FAT3: variants seen among roughly 807,000 people sequenced by gnomAD.
The protein encoded by FAT3 is protocadherin Fat 3.
Under a neutral mutation model 310.2 loss-of-function variants are expected in FAT3, and 95 were observed. The ratio of observed to expected loss-of-function variants is 0.31; its 90% CI spans 0.26 to 0.36. The LOEUF is 0.36. FAT3 is among the 10% of genes least tolerant of loss of function. The pLI is 1.00. For missense variants in FAT3, 5,408 were observed against 5,715.6 expected, an observed-to-expected ratio of 0.95 and a Z score of 1.74; for synonymous variants, 2,314 against 2,192.9, an observed-to-expected ratio of 1.06 and a Z score of -1.54.
chr11:92,299,454 A>G (rs985482043), intron 1 of FAT3, among the ~76,000 whole-genome samples: 1 of 152,136 alleles, frequency 6.6e-6, no homozygotes, highest in African/African-American at 2.4e-5. Context: ...TGCCCTTTCC[A>G]AAGGCCATTA....
rs149689597 is a variant in FAT3, at chr11:92,744,524, G to A, written c.3670-17332G>A. Among the ~76,000 whole-genome samples, 1,063 of 152,246 alleles carry A rather than the reference G, an allele frequency of 7.0e-3. 12 individuals are homozygous for A. The highest frequency in any genetic ancestry group is 0.024 in the African/African-American group (1,002 of 41,550). The stretch of plus-strand genomic sequence containing the variant: ...CTCTCTTCATTTGTCTAAACATGCA[G>A]TGTTCCCCATTTATATTTTATAACC... On this transcript the variant is annotated intron_variant, in intron 4 of 27. Coordinates refer to ENST00000525166, the MANE Select transcript of FAT3 (RefSeq NM_001367949.2).
intron 1 of FAT3, among the ~76,000 whole-genome samples, chr11:92,273,213 A>G (rs1318576217): frequency 6.6e-6 from 1 of 152,126 alleles, no homozygotes; most frequent in African/African-American, 2.4e-5. Context: ...TGTATTTTAT[A>G]AAAGTGATGC....
At chr11:92,387,446 C>G (rs1331013115) in intron 2 of FAT3, among the ~76,000 whole-genome samples, 3 of 151,816 alleles carry the variant, frequency 2.0e-5, no homozygotes, top group African/African-American at 7.3e-5. Context: ...TAGACTGGGG[C>G]CAGGAACACT....
chr11:92,247,039 A>G (rs11019886), intron 1 of FAT3, among the ~76,000 whole-genome samples: 6,600 of 152,166 alleles, frequency 0.043, 504 homozygotes, highest in African/African-American at 0.15. Context: ...CTCTAAGGGA[A>G]TTGGAGAGAC....
intron 13 of FAT3, among the ~76,000 whole-genome samples, chr11:92,820,121 C>T (rs930206099): frequency 6.6e-6 from 1 of 152,228 alleles, no homozygotes; most frequent in African/African-American, 2.4e-5. Context: ...TATTAGTCTG[C>T]TCAGACTGCC....
intron 24 of FAT3, among the ~76,000 whole-genome samples, chr11:92,884,225 C>T (rs1949746645): frequency 2.0e-5 from 3 of 152,176 alleles, no homozygotes; most frequent in African/African-American, 4.8e-5. Flanking sequence ...AGAACGGATA[C>T]ATTTTAACAG....
At position 92,712,650 on chromosome 11, in the gene FAT3, A is replaced by G. The variant is rs1053686073; in HGVS notation, c.3669+15205A>G. Among the ~76,000 whole-genome samples, 6 of 152,338 alleles carry G rather than the reference A, an allele frequency of 3.9e-5. No homozygotes were observed. The East Asian group carries it at 1.2e-3, about 29-fold the overall frequency. ...TTGTGTTTAGACAGAGGAAATAGAA[A>G]ACTAATCTCACCTCAACTTTACAAT... is the stretch of plus-strand genomic sequence containing the variant. On this transcript the variant is annotated intron_variant, in intron 4 of 27. Coordinates refer to ENST00000525166, the MANE Select transcript of FAT3 (RefSeq NM_001367949.2).
chr11:92,406,358 A>G (rs77511617), intron 2 of FAT3, among the ~76,000 whole-genome samples: 5,363 of 152,212 alleles, frequency 0.035, 289 homozygotes, highest in African/African-American at 0.11. Context: ...AGAGAACTAG[A>G]TATACTTTAT....
rs148866647 is a variant in FAT3, at chr11:92,375,818, G to T, written c.3292+20414G>T. Among the ~76,000 whole-genome samples the T allele has an allele frequency of 2.4e-3, 360 of 152,206 alleles. 2 individuals are homozygous for T. Among genetic ancestry groups the T allele is most frequent in the African/African-American group, 7.9e-3 (328 of 41,530 alleles). On this transcript the variant is annotated intron_variant, in intron 2 of 27. Coordinates refer to ENST00000525166, the MANE Select transcript of FAT3 (RefSeq NM_001367949.2). Reference sequence around the variant, plus strand: ...ATCCTTTATGGTATTTTACAACTTAGTAGTTCACATTTTGTTGTTTACTGA... The same window carrying T: ...ATCCTTTATGGTATTTTACAACTTATTAGTTCACATTTTGTTGTTTACTGA...
intron 7 of FAT3, among the ~76,000 whole-genome samples, chr11:92,779,471 T>C (rs1946682322): frequency 1.3e-5 from 2 of 151,970 alleles, no homozygotes; most frequent in South Asian, 2.1e-4. Context: ...GATGGGATAA[T>C]ATGAACATCA....
intron 2 of FAT3, among the ~76,000 whole-genome samples, chr11:92,368,843 T>TATATATATAC (rs1555025188): frequency 1.4e-5 from 2 of 145,850 alleles, no homozygotes; most frequent in African/African-American, 5.5e-5. Context: ...CATATATATA[T>TATATATATAC]ATATACACAC....
chr11:92,759,874 C>T (rs1946099807), intron 4 of FAT3, among the ~76,000 whole-genome samples: 1 of 152,108 alleles, frequency 6.6e-6, no homozygotes, highest in Non-Finnish European at 1.5e-5. Flanking sequence ...GTCTCAGAGC[C>T]CATTGCAGGG....
chr11:92,726,939 A>G (rs1367893850), intron 4 of FAT3, among the ~76,000 whole-genome samples: 5 of 151,964 alleles, frequency 3.3e-5, no homozygotes, highest in Non-Finnish European at 7.4e-5. Context: ...TATTCAATAG[A>G]AGTCCACATC....
chr11:92,735,416 A>G (rs957750021), intron 4 of FAT3, among the ~76,000 whole-genome samples: 2 of 152,150 alleles, frequency 1.3e-5, no homozygotes, highest in African/African-American at 4.8e-5. Context: ...ATCATTACTT[A>G]TATAGCTTTT....
At chr11:92,478,891 C>T (rs1266571621) in intron 2 of FAT3, among the ~76,000 whole-genome samples, 2 of 149,734 alleles carry the variant, frequency 1.3e-5, no homozygotes, top group Non-Finnish European at 3.0e-5. Context: ...GCAGGGACTA[C>T]AGGCATGAGC....
At chr11:92,659,713 G>T (rs573161134) in intron 3 of FAT3, among the ~76,000 whole-genome samples, 1 of 152,188 alleles carries the variant, frequency 6.6e-6, no homozygotes, top group Non-Finnish European at 1.5e-5. Context: ...GAAGCTGATG[G>T]TAGAAGATGG....
chr11:92,533,159 G>T (rs1954137249), intron 3 of FAT3, among the ~76,000 whole-genome samples: 1 of 152,064 alleles, frequency 6.6e-6, no homozygotes, highest in South Asian at 2.1e-4. Context: ...CTCCCAAGTA[G>T]CTGGGACTAC....
intron 1 of FAT3, among the ~76,000 whole-genome samples, chr11:92,237,498 G>A (rs1864481238): frequency 6.6e-6 from 1 of 152,092 alleles, no homozygotes; most frequent in Non-Finnish European, 1.5e-5. Context: ...TCCCTGATGA[G>A]AACTAAATGT....
In FAT3 at chr11:92,628,662, C is replaced by T. The variant is rs370753651; in HGVS notation, c.3608-68722C>T. ...GTGTTTCCTTTTCTTTTCCAAAAGGCGGTGTTTCCATGGAAAAAGCGCATT... is the reference window on the plus strand; with the variant it reads ...GTGTTTCCTTTTCTTTTCCAAAAGGTGGTGTTTCCATGGAAAAAGCGCATT... On this transcript the variant is annotated intron_variant, in intron 3 of 27. Transcript: ENST00000525166. Among the ~76,000 whole-genome samples, 17 of 152,304 alleles carry T rather than the reference C, an allele frequency of 1.1e-4. No homozygotes were observed. In the East Asian group the frequency reaches 3.3e-3, roughly 29 times the overall value.
Sources: gnomAD v4.1 joint callset for allele counts (sites outside exome capture counted in the v4.1 genomes callset) on GRCh38, gnomAD v4.1.1 for gene constraint, MANE v1.5 for transcripts, NCBI Gene and HGNC (gene_info 2026-07-23, HGNC 2026-07-21) for gene names.